The following GNG12 variants were observed in gnomAD, a reference collection of about 807,000 sequenced individuals.
GNG12 encodes guanine nucleotide-binding protein G(I)/G(S)/G(O) subunit gamma-12.
For synonymous variants in GNG12, 28 were observed against 29.7 expected, an observed-to-expected ratio of 0.94 and a Z score of 0.19; for missense variants, 69 against 83.8, an observed-to-expected ratio of 0.82 and a Z score of 0.69.
intron 2 of GNG12, among the ~76,000 whole-genome samples, chr1:67,732,288 G>C (rs1265133206): frequency 1.3e-5 from 2 of 152,228 alleles, no homozygotes; most frequent in Non-Finnish European, 2.9e-5. Flanking sequence ...GGGACCCCCA[G>C]TATAAAGCGA....
At chr1:67,785,221 T>G (rs1246283106) in intron 1 of GNG12, among the ~76,000 whole-genome samples, 1 of 152,194 alleles carries the variant, frequency 6.6e-6, no homozygotes, top group Non-Finnish European at 1.5e-5. Context: ...TCTCAAGAAA[T>G]GTTAGCATTA....
intron 2 of GNG12, among the ~76,000 whole-genome samples, chr1:67,763,532 CTT>C (rs113420131): frequency 2.1e-5 from 3 of 143,708 alleles, no homozygotes; most frequent in African/African-American, 2.5e-5. Context: ...ATATCCATCA[CTT>C]TTTTTTTTTT....
At chr1:67,762,172 A>T (rs1019110546) in intron 2 of GNG12, among the ~76,000 whole-genome samples, 1 of 151,970 alleles carries the variant, frequency 6.6e-6, no homozygotes, top group Non-Finnish European at 1.5e-5. Flanking sequence ...CCTGACCACC[A>T]CCACCGCCCC....
chr1:67,826,105 GC>G (rs59755578), intron 1 of GNG12, among the ~76,000 whole-genome samples: 2,902 of 152,214 alleles, frequency 0.019, 98 homozygotes, highest in African/African-American at 0.066. Context: ...TCCCAATAAA[GC>G]CTGACATGAT....
rs1647065898 is a variant in GNG12, at chr1:67,833,457, T to C, written c.-190A>G. On this transcript the variant is annotated 5_prime_UTR_variant, in exon 1 of 4. Transcript: ENST00000370982. ...TCCTCTTGCTCCTCCGGGCGCCGGC[T>C]CCGCCTCGCTGGGGTGGGCGGGGCG... 1.0e-6 allele frequency: 1 copy of C among 985,486 alleles called. No individual in the cohort carries two copies. The highest frequency in any genetic ancestry group is 1.2e-6 in the Non-Finnish European group (1 of 830,328). The allele number at this position is 985,486 out of a possible 1,614,324, so 61.0% of individuals were successfully genotyped here.
chr1:67,772,466 A>G (rs1330906082), intron 2 of GNG12: 2 of 152,188 alleles, frequency 1.3e-5, no homozygotes, highest in Non-Finnish European at 2.9e-5. Flanking sequence ...AGAATGTCTA[A>G]ACTAGTGGAT....
At chr1:67,721,763 A>C (rs1227391379) in intron 2 of GNG12, among the ~76,000 whole-genome samples, 1 of 152,168 alleles carries the variant, frequency 6.6e-6, no homozygotes, top group Non-Finnish European at 1.5e-5. Context: ...TGAGGGCTCT[A>C]CCTCTTATCT....
intron 1 of GNG12, among the ~76,000 whole-genome samples, chr1:67,829,520 T>G (rs1647031105): frequency 6.6e-6 from 1 of 152,232 alleles, no homozygotes; most frequent in Non-Finnish European, 1.5e-5. Flanking sequence ...AAATAATGCA[T>G]GCTCATTATA....
intron 1 of GNG12, among the ~76,000 whole-genome samples, chr1:67,786,144 G>A (rs1437465133): frequency 1.3e-5 from 2 of 152,196 alleles, no homozygotes; most frequent in Non-Finnish European, 2.9e-5. Flanking sequence ...TGAGCCATGA[G>A]ATCTTCAAAA....
chr1:67,812,183 G>T (rs552277429), intron 1 of GNG12, among the ~76,000 whole-genome samples: 1 of 152,130 alleles, frequency 6.6e-6, no homozygotes, highest in East Asian at 1.9e-4. Flanking sequence ...TGGGCTGTGG[G>T]TTATTATTTT....
At chr1:67,733,843 A>T (rs1417393141) in intron 2 of GNG12, among the ~76,000 whole-genome samples, 1 of 152,170 alleles carries the variant, frequency 6.6e-6, no homozygotes, top group Non-Finnish European at 1.5e-5. Context: ...CAGGCTGTGT[A>T]CTGAGAGATC....
chr1:67,780,080 A>G (rs2100767143), intron 1 of GNG12, among the ~76,000 whole-genome samples: 1 of 152,358 alleles, frequency 6.6e-6, no homozygotes, highest in Non-Finnish European at 1.5e-5. Context: ...TGCAGCCTAT[A>G]GTTGACTGAA....
chr1:67,752,869 G>A (rs1557605455), intron 2 of GNG12, among the ~76,000 whole-genome samples: 1 of 152,152 alleles, frequency 6.6e-6, no homozygotes, highest in Admixed American at 6.5e-5. Context: ...GACACTAAGT[G>A]CCAATTTATG....
chr1:67,758,027 A>G (rs1646580071), intron 2 of GNG12, among the ~76,000 whole-genome samples: 1 of 152,162 alleles, frequency 6.6e-6, no homozygotes, highest in Admixed American at 6.5e-5. Flanking sequence ...TCTGCAGTGC[A>G]GTGGCACGGT....
chr1:67,760,596 G>A (rs905622307), intron 2 of GNG12, among the ~76,000 whole-genome samples: 2 of 152,136 alleles, frequency 1.3e-5, no homozygotes, highest in African/African-American at 4.8e-5. Context: ...GAAATGAAGC[G>A]ACTTGCCTAA....
At chr1:67,714,017 GAGC>G (rs753362550) in intron 2 of GNG12, among the ~76,000 whole-genome samples, 1 of 152,188 alleles carries the variant, frequency 6.6e-6, no homozygotes, top group Non-Finnish European at 1.5e-5. Context: ...CTATTTTCAT[GAGC>G]AGTTCTTATT....
At chr1:67,727,575 G>A (rs1266760599) in intron 2 of GNG12, among the ~76,000 whole-genome samples, 2 of 152,170 alleles carry the variant, frequency 1.3e-5, no homozygotes, top group East Asian at 3.8e-4. Flanking sequence ...ATGAGCTGGA[G>A]GGCTTTATAA....
At chr1:67,803,460 A>T (rs1245343785) in intron 1 of GNG12, among the ~76,000 whole-genome samples, 4 of 152,182 alleles carry the variant, frequency 2.6e-5, no homozygotes, top group Non-Finnish European at 4.4e-5. Flanking sequence ...GTGATTCGGT[A>T]AAAGGAGTGA....
In GNG12 at chr1:67,716,996, A is replaced by G. The variant is rs77487828; in HGVS notation, c.-26-9284T>C. The stretch of plus-strand genomic sequence containing the variant: ...GGAGAGTGAGCTGCAGAGCCTGGGC[A>G]GCGAGTTCCTCACTTCACTGTGTGT... On this transcript the variant is annotated intron_variant, in intron 2 of 3. Coordinates refer to ENST00000370982, the MANE Select transcript of GNG12 (RefSeq NM_018841.6). 7.9e-4 allele frequency among the ~76,000 whole-genome samples: 121 copies of G among 152,330 alleles called. 2 individuals carry two copies. Among genetic ancestry groups the G allele is most frequent in the African/African-American group, 2.6e-3 (108 of 41,574 alleles).
Sources: allele counts gnomAD v4.1 joint callset (sites outside exome capture counted in the v4.1 genomes callset), GRCh38; gene constraint gnomAD v4.1.1; transcripts MANE v1.5; gene names NCBI Gene and HGNC (gene_info 2026-07-23, HGNC 2026-07-21).